GALNT7: variants seen among roughly 807,000 people sequenced by gnomAD.
GALNT7 encodes polypeptide N-acetylgalactosaminyltransferase 7.
GALNT7 carries 60 observed loss-of-function variants against 82.1 expected under a neutral mutation model. That is an observed-to-expected ratio of 0.73 (90% CI 0.59 to 0.91). The LOEUF (loss-of-function observed/expected upper bound fraction) is 0.91, where lower values mean the gene tolerates loss of function less well. Ranked by LOEUF, GALNT7 falls within the 40% of genes least tolerant of loss-of-function variation. The pLI is 0.00. For synonymous variants in GALNT7, 243 were observed against 275.1 expected, an observed-to-expected ratio of 0.88 and a Z score of 1.15; for missense variants, 660 against 804.2, an observed-to-expected ratio of 0.82 and a Z score of 2.17.
intron 1 of GALNT7, among the ~76,000 whole-genome samples, chr4:173,191,625 G>C (rs1732632074): frequency 6.6e-6 from 1 of 152,178 alleles, no homozygotes. Context: ...AGATGGATCT[G>C]GGCCAGATGG....
At chr4:173,256,857 A>G (rs1735057110) in intron 2 of GALNT7, among the ~76,000 whole-genome samples, 1 of 152,164 alleles carries the variant, frequency 6.6e-6, no homozygotes, top group Non-Finnish European at 1.5e-5. Context: ...GCATAAACCA[A>G]CACTTATATA....
In GALNT7 at chr4:173,187,778, G is replaced by T. The variant is rs146378837; in HGVS notation, c.126+18817G>T. On this transcript the variant is annotated intron_variant, in intron 1 of 11. Coordinates refer to ENST00000265000, the MANE Select transcript of GALNT7 (RefSeq NM_017423.3). Reference sequence around the variant, plus strand: ...AATATGAGGTTTAATAAAAATATTGGTTTCTTAATTTTGTTTATTAGTCTT... The same window carrying T: ...AATATGAGGTTTAATAAAAATATTGTTTTCTTAATTTTGTTTATTAGTCTT... Among the ~76,000 whole-genome samples the T allele has an allele frequency of 3.9e-3, 588 of 152,144 alleles. 2 individuals are homozygous for T. Among genetic ancestry groups the T allele is most frequent in the African/African-American group, 0.014 (569 of 41,496 alleles).
rs1736791568 is a variant in GALNT7, at chr4:173,298,205, C to G, written c.1056C>G (p.Ala352=). ...PQGGGDEDGY[A]RGAWDWSMLW... ...GGGGTGGTGATGAAGATGGGTATGC[C>G]CGAGGAGCATGGGATTGGAGTATGC... is the stretch of plus-strand genomic sequence containing the variant. The change falls in exon 6 of 12, where the codon GCC becomes GCG. Residue 352 remains alanine (A), a synonymous_variant. Coordinates refer to ENST00000265000, the MANE Select transcript of GALNT7 (RefSeq NM_017423.3). The G allele has an allele frequency of 6.2e-7, 1 of 1,613,628 alleles. No homozygotes were observed.
At chr4:173,319,713 CT>C (rs1194767210) in intron 11 of GALNT7, among the ~76,000 whole-genome samples, 1 of 152,126 alleles carries the variant, frequency 6.6e-6, no homozygotes, top group African/African-American at 2.4e-5. Context: ...TTAGATATTA[CT>C]GAACATTCAC....
At chr4:173,262,407 G>A (rs1273286934) in intron 2 of GALNT7, among the ~76,000 whole-genome samples, 3 of 152,122 alleles carry the variant, frequency 2.0e-5, no homozygotes, top group Non-Finnish European at 4.4e-5. Context: ...CCCAAGTAAT[G>A]CAGATCTTTT....
At chr4:173,265,044 C>G (rs922978324) in intron 2 of GALNT7, among the ~76,000 whole-genome samples, 1 of 152,304 alleles carries the variant, frequency 6.6e-6, no homozygotes, top group East Asian at 1.9e-4. Flanking sequence ...GCAAAACTTG[C>G]GCTTCATGTA....
intron 1 of GALNT7, among the ~76,000 whole-genome samples, chr4:173,196,352 T>A (rs938920797): frequency 1.3e-5 from 2 of 152,090 alleles, no homozygotes; most frequent in African/African-American, 4.8e-5. Flanking sequence ...CTCAAACTCC[T>A]GACCTCAGGT....
At chr4:173,184,023 C>G (rs935242834) in intron 1 of GALNT7, among the ~76,000 whole-genome samples, 6 of 150,508 alleles carry the variant, frequency 4.0e-5, no homozygotes, top group Admixed American at 1.3e-4. Context: ...AGAGGCGCTC[C>G]CCACATTCCA....
intron 1 of GALNT7, among the ~76,000 whole-genome samples, chr4:173,197,672 G>A (rs945408047): frequency 2.6e-5 from 4 of 152,202 alleles, no homozygotes; most frequent in Non-Finnish European, 4.4e-5. Flanking sequence ...ATGTGCTGTC[G>A]TCTACTTCTG....
chr4:173,317,798 G>C, intron 10 of GALNT7, 66 bp downstream of exon 10: 1 of 966,250 alleles, frequency 1.0e-6, no homozygotes, highest in Non-Finnish European at 1.7e-6. Flanking sequence ...ATTGATCACA[G>C]AGTGATCTTT....
At chr4:173,176,111 T>C (rs1174964047) in intron 1 of GALNT7, among the ~76,000 whole-genome samples, 1 of 149,902 alleles carries the variant, frequency 6.7e-6, no homozygotes, top group Non-Finnish European at 1.5e-5. Context: ...AGAGAATGGG[T>C]TGGAAGGGAC....
intron 1 of GALNT7, among the ~76,000 whole-genome samples, chr4:173,201,300 G>A (rs975333808): frequency 6.6e-6 from 1 of 152,034 alleles, no homozygotes; most frequent in Non-Finnish European, 1.5e-5. Flanking sequence ...ATAAGTTGTG[G>A]TTATTAAATT....
At chr4:173,249,236 T>G (rs571909457) in intron 2 of GALNT7, among the ~76,000 whole-genome samples, 1 of 152,374 alleles carries the variant, frequency 6.6e-6, no homozygotes, top group South Asian at 2.1e-4. Flanking sequence ...TTCCTGATGA[T>G]GTATTGTTAG....
intron 2 of GALNT7, among the ~76,000 whole-genome samples, chr4:173,291,836 C>T (rs550124922): frequency 6.8e-6 from 1 of 147,968 alleles, no homozygotes; most frequent in South Asian, 2.2e-4. Flanking sequence ...GCTGTAAATA[C>T]TATCTTAAGT....
At chr4:173,172,671 A>G (rs1731915123) in intron 1 of GALNT7, among the ~76,000 whole-genome samples, 1 of 152,116 alleles carries the variant, frequency 6.6e-6, no homozygotes, top group Admixed American at 6.5e-5. Context: ...AAATCTGAAC[A>G]TTTCAAGAAA....
Position 173,178,007 on chromosome 4 carries a change from C to CTGTGTG in GALNT7, c.126+9087_126+9092dup, listed in dbSNP as rs70944437. On this transcript the variant is annotated intron_variant, in intron 1 of 11. Coordinates refer to ENST00000265000, the MANE Select transcript of GALNT7 (RefSeq NM_017423.3). ...TTTCCACCTCTCCCTATCCGCAAGT[C>CTGTGTG]TGTGTGTGTGTGTGTGTGTGTGTGT... Among the ~76,000 whole-genome samples the CTGTGTG allele has an allele frequency of 3.2e-3, 439 of 137,758 alleles. 2 individuals carry two copies. Among genetic ancestry groups the CTGTGTG allele is most frequent in the African/African-American group, 0.011 (408 of 36,020 alleles). 90.4% of individuals were successfully genotyped at this position (137,758 alleles called of 152,430 possible).
At chr4:173,170,799 G>A (rs1226082355) in intron 1 of GALNT7, among the ~76,000 whole-genome samples, 1 of 152,184 alleles carries the variant, frequency 6.6e-6, no homozygotes, top group Non-Finnish European at 1.5e-5. Context: ...AACTAGCTAG[G>A]TTCAGAATGT....
chr4:173,226,492 A>G (rs1733831840), intron 1 of GALNT7, among the ~76,000 whole-genome samples: 1 of 152,142 alleles, frequency 6.6e-6, no homozygotes, highest in African/African-American at 2.4e-5. Context: ...TGCAAGAGAA[A>G]GTCTTCATAT....
At chr4:173,198,924 A>G (rs773185151) in intron 1 of GALNT7, among the ~76,000 whole-genome samples, 1 of 152,166 alleles carries the variant, frequency 6.6e-6, no homozygotes, top group Non-Finnish European at 1.5e-5. Context: ...TGAAGAGGTG[A>G]TATTTGAGCT....
Sources: gnomAD v4.1 joint callset for allele counts (sites outside exome capture counted in the v4.1 genomes callset) on GRCh38, gnomAD v4.1.1 for gene constraint, MANE v1.5 for transcripts, NCBI Gene and HGNC (gene_info 2026-07-23, HGNC 2026-07-21) for gene names.